PAIP2: variants seen among roughly 807,000 people sequenced by gnomAD.
The protein encoded by PAIP2 is poly(A) binding protein interacting protein 2.
PAIP2 carries 7 observed loss-of-function variants against 14.8 expected under a neutral mutation model. The ratio of observed to expected loss-of-function variants is 0.47; its 90% CI spans 0.27 to 0.89. PAIP2 has a LOEUF of 0.89. Among genes scored for constraint, PAIP2 ranks in the 40% least tolerant of loss-of-function variants. The probability of loss-of-function intolerance (pLI) is 0.13; values close to 1 mark genes in which losing one functional copy is unlikely to be tolerated. For synonymous variants in PAIP2, 47 were observed against 45.3 expected, an observed-to-expected ratio of 1.04 and a Z score of -0.15; for missense variants, 122 against 154.7, an observed-to-expected ratio of 0.79 and a Z score of 1.12.
chr5:139,355,029 A>G (rs1243005641), intron 1 of PAIP2, among the ~76,000 whole-genome samples: 1 of 152,072 alleles, frequency 6.6e-6, no homozygotes, highest in African/African-American at 2.4e-5. Flanking sequence ...TATGTTGGCC[A>G]GGCTGGTCTT....
chr5:139,364,458 G>A (rs1331650315), intron 2 of PAIP2, 106 bp from the exon 3 acceptor site: 4 of 617,308 alleles, frequency 6.5e-6, no homozygotes, highest in Non-Finnish European at 1.1e-5. Flanking sequence ...AAGCAGAAAA[G>A]AAAGTATGAC....
intron 1 of PAIP2, among the ~76,000 whole-genome samples, chr5:139,361,698 A>T (rs1561963146): frequency 1.3e-5 from 2 of 152,124 alleles, no homozygotes; most frequent in Non-Finnish European, 2.9e-5. Flanking sequence ...TAATCCCAGC[A>T]CTTTGGGAGG....
chr5:139,345,027 A>C (rs1756494206), intron 1 of PAIP2, among the ~76,000 whole-genome samples: 1 of 151,996 alleles, frequency 6.6e-6, no homozygotes, highest in Non-Finnish European at 1.5e-5. Context: ...TCCAGAGCCC[A>C]TGGGTTTTTG....
chr5:139,348,039 A>G lies in PAIP2; in HGVS notation c.-27+6059A>G, dbSNP rs1209844465. Among the ~76,000 whole-genome samples the G allele has an allele frequency of 3.3e-5, 5 of 150,032 alleles. No individual in the cohort carries two copies. The Admixed American group carries it at 3.3e-4, about 10-fold the overall frequency. Reference sequence around the variant, plus strand: ...ATACAGAAATTAGCCAGGCACAGGCATGGTGTTACACACTTGTAATTCCAG... The same window carrying G: ...ATACAGAAATTAGCCAGGCACAGGCGTGGTGTTACACACTTGTAATTCCAG... On this transcript the variant is annotated intron_variant, in intron 1 of 3. Transcript: ENST00000265192.
chr5:139,365,597 C>G (rs1264361280), intron 3 of PAIP2, among the ~76,000 whole-genome samples: 1 of 151,106 alleles, frequency 6.6e-6, no homozygotes, highest in Non-Finnish European at 1.5e-5. Flanking sequence ...ACCTGGAAGG[C>G]AGAGGTTGCA....
At chr5:139,353,786 C>T (rs959528686) in intron 1 of PAIP2, among the ~76,000 whole-genome samples, 2 of 150,992 alleles carry the variant, frequency 1.3e-5, no homozygotes, top group African/African-American at 4.9e-5. Flanking sequence ...GTGGCGCTGT[C>T]TCGACTCACT....
intron 3 of PAIP2, 63 bp downstream of exon 3, chr5:139,364,806 G>C: frequency 9.3e-7 from 1 of 1,074,130 alleles, no homozygotes; most frequent in Non-Finnish European, 1.4e-6. Flanking sequence ...GGAAAAGCCA[G>C]CTCCCATCTA....
intron 1 of PAIP2, among the ~76,000 whole-genome samples, chr5:139,346,647 T>C (rs572590451): frequency 6.6e-6 from 1 of 151,860 alleles, no homozygotes; most frequent in East Asian, 1.9e-4. Context: ...TTCTCCTGCC[T>C]CAGCCTCCCG....
chr5:139,345,830 T>C (rs1044057398), intron 1 of PAIP2, among the ~76,000 whole-genome samples: 1 of 152,018 alleles, frequency 6.6e-6, no homozygotes, highest in African/African-American at 2.4e-5. Context: ...GGTTTCACCG[T>C]GTTAGCCAGG....
chr5:139,364,182 C>A, intron 2 of PAIP2: 1 of 474,404 alleles, frequency 2.1e-6, no homozygotes. Flanking sequence ...TTTTTCAGAG[C>A]TCTCAGATGG....
At chr5:139,346,878 C>T (rs2152044722) in intron 1 of PAIP2, among the ~76,000 whole-genome samples, 1 of 152,030 alleles carries the variant, frequency 6.6e-6, no homozygotes, top group East Asian at 1.9e-4. Flanking sequence ...TGCACCATCT[C>T]AGCTCACTGC....
Position 139,368,969 on chromosome 5 carries a change from A to AAGCTGTCAAAC in PAIP2, c.*173_*183dup. 1 of 512,450 alleles carries AAGCTGTCAAAC rather than the reference A, an allele frequency of 2.0e-6. No individual in the cohort carries two copies. The allele number at this position is 512,450 out of a possible 1,614,324, so 31.7% of individuals were successfully genotyped here. A position where few individuals can be genotyped will look rare whatever the true frequency, so the allele number is the denominator to read the frequency against. ...AGTGCTGAGACTGTTACTAAGTAAAAAGCTGTCAAACATTTACTGAAAATA... is the reference window on the plus strand; with the variant it reads ...AGTGCTGAGACTGTTACTAAGTAAAAAGCTGTCAAACAGCTGTCAAACATTTACTGAAAATA... On this transcript the variant is annotated 3_prime_UTR_variant, in exon 4 of 4. Coordinates refer to ENST00000265192, the MANE Select transcript of PAIP2 (RefSeq NM_016480.5).
chr5:139,349,324 C>T (rs1756655156), intron 1 of PAIP2, among the ~76,000 whole-genome samples: 1 of 152,214 alleles, frequency 6.6e-6, no homozygotes, highest in Non-Finnish European at 1.5e-5. Context: ...TCTTAGCTCA[C>T]TGCAACCTCC....
At chr5:139,355,127 A>G (rs1756869138) in intron 1 of PAIP2, among the ~76,000 whole-genome samples, 1 of 146,226 alleles carries the variant, frequency 6.8e-6, no homozygotes, top group Non-Finnish European at 1.5e-5. Context: ...CACCTGGCCC[A>G]GTTTACTTTT....
At chr5:139,362,847 C>T (rs1360393945) in intron 1 of PAIP2, among the ~76,000 whole-genome samples, 1 of 152,134 alleles carries the variant, frequency 6.6e-6, no homozygotes, top group Non-Finnish European at 1.5e-5. Flanking sequence ...GCCGACCATG[C>T]TTGCTTTACA....
chr5:139,358,857 G>A (rs1343698397), intron 1 of PAIP2, among the ~76,000 whole-genome samples: 1 of 152,216 alleles, frequency 6.6e-6, no homozygotes, highest in Non-Finnish European at 1.5e-5. Flanking sequence ...CCAAGTTGGG[G>A]GGCTTGGGAA....
At chr5:139,350,893 A>T (rs1194716066) in intron 1 of PAIP2, among the ~76,000 whole-genome samples, 4 of 152,176 alleles carry the variant, frequency 2.6e-5, no homozygotes, top group Non-Finnish European at 5.9e-5. Context: ...AACATGAGGA[A>T]TAAGCTTTCA....
chr5:139,360,458 C>T (rs1017672124), intron 1 of PAIP2, among the ~76,000 whole-genome samples: 4 of 152,140 alleles, frequency 2.6e-5, no homozygotes, highest in African/African-American at 9.7e-5. Context: ...TAGCACATAA[C>T]TCTGAGTCTG....
intron 1 of PAIP2, among the ~76,000 whole-genome samples, chr5:139,360,935 C>G (rs973357855): frequency 6.6e-6 from 1 of 152,026 alleles, no homozygotes; most frequent in African/African-American, 2.4e-5. Flanking sequence ...CATGCACCAC[C>G]ACATCCAGCT....
Sources: allele counts gnomAD v4.1 joint callset (sites outside exome capture counted in the v4.1 genomes callset), GRCh38; gene constraint gnomAD v4.1.1; transcripts MANE v1.5; gene names NCBI Gene and HGNC (gene_info 2026-07-23, HGNC 2026-07-21).